ADAMTSL1: variants seen among roughly 807,000 people sequenced by gnomAD.
ADAMTSL1 encodes the protein ADAMTS-like protein 1.
ADAMTSL1 carries 126 observed loss-of-function variants against 201.8 expected under a neutral mutation model. The observed-to-expected ratio is 0.62, with a 90% CI of 0.54 to 0.72. The LOEUF (loss-of-function observed/expected upper bound fraction) is 0.72. ADAMTSL1 is among the 30% of genes least tolerant of loss of function. ADAMTSL1 has a pLI of 0.00. For missense variants in ADAMTSL1, 2,679 were observed against 2,277.8 expected (o/e 1.18, Z -3.59); for synonymous variants, 1,121 against 903.4 (o/e 1.24, Z -4.32).
chr9:18,669,123 C>T (rs191962341), intron 9 of ADAMTSL1, among the ~76,000 whole-genome samples: 10 of 152,308 alleles, frequency 6.6e-5, no homozygotes. Flanking sequence ...AACAGCACAG[C>T]CAGCACAGAA....
chr9:18,109,854 CTT>C (rs1374325849), intron 1 of ADAMTSL1, among the ~76,000 whole-genome samples: 4 of 152,314 alleles, frequency 2.6e-5, no homozygotes, highest in Admixed American at 2.0e-4. Context: ...CCTACTGCCA[CTT>C]TCCCCTGCGT....
At chr9:18,826,819 G>C (rs548133884) in intron 22 of ADAMTSL1, among the ~76,000 whole-genome samples, 1 of 152,298 alleles carries the variant, frequency 6.6e-6, no homozygotes, top group East Asian at 1.9e-4. Context: ...AACTCTTCCT[G>C]CATTAAGGAC....
intron 1 of ADAMTSL1, among the ~76,000 whole-genome samples, chr9:18,479,580 A>C (rs573053808): frequency 9.8e-5 from 15 of 152,292 alleles, no homozygotes; most frequent in African/African-American, 3.6e-4. Flanking sequence ...TGTAATCTCT[A>C]AAATATTTTA....
intron 1 of ADAMTSL1, among the ~76,000 whole-genome samples, chr9:18,094,069 A>G (rs1824138438): frequency 6.6e-6 from 1 of 152,150 alleles, no homozygotes; most frequent in Non-Finnish European, 1.5e-5. Context: ...GTTTTCGTTG[A>G]GTAATGTACC....
intron 2 of ADAMTSL1, among the ~76,000 whole-genome samples, chr9:18,290,237 C>G (rs1235998792): frequency 6.6e-6 from 1 of 151,856 alleles, no homozygotes; most frequent in African/African-American, 2.4e-5. Context: ...TAAGTCAGGA[C>G]TAGGTTGATC....
intron 21 of ADAMTSL1, among the ~76,000 whole-genome samples, chr9:18,819,876 G>A (rs1824103264): frequency 6.6e-6 from 1 of 152,254 alleles, no homozygotes; most frequent in Non-Finnish European, 1.5e-5. Context: ...GAAATCATCT[G>A]TGAGCTTAGT....
chr9:18,706,732 GC>G lies in ADAMTSL1; in HGVS notation c.1575-14del. The G allele has an allele frequency of 6.3e-7, 1 of 1,580,234 alleles. No homozygotes were observed. Among genetic ancestry groups the G allele is most frequent in the Non-Finnish European group, 8.6e-7 (1 of 1,162,662 alleles). On this transcript the variant is annotated splice_polypyrimidine_tract_variant and intron_variant, in intron 13 of 28. Coordinates refer to ENST00000380548, the MANE Select transcript of ADAMTSL1 (RefSeq NM_001040272.6). ...GGCTTCTCATCCTGTCCTCTTGTTT[GC>G]TTGCCGACTGCAGGTTCATCCCAGA...
intron 1 of ADAMTSL1, among the ~76,000 whole-genome samples, chr9:17,932,443 T>C (rs1159047595): frequency 6.6e-6 from 1 of 152,178 alleles, no homozygotes; most frequent in Non-Finnish European, 1.5e-5. Flanking sequence ...CAGTACATTT[T>C]ATATCTCTTA....
chr9:18,193,027 A>T (rs1310300371), intron 2 of ADAMTSL1, among the ~76,000 whole-genome samples: 1 of 152,164 alleles, frequency 6.6e-6, no homozygotes, highest in Non-Finnish European at 1.5e-5. Flanking sequence ...TGCTGAAGAC[A>T]TTAAGAGTGT....
intron 16 of ADAMTSL1, among the ~76,000 whole-genome samples, chr9:18,766,628 G>T (rs1349146810): frequency 2.0e-5 from 3 of 152,178 alleles, no homozygotes; most frequent in African/African-American, 7.2e-5. Context: ...TCCAAGGTCA[G>T]GGTGCTGGCA....
At chr9:18,146,219 T>C (rs1261510340) in intron 1 of ADAMTSL1, among the ~76,000 whole-genome samples, 2 of 152,182 alleles carry the variant, frequency 1.3e-5, no homozygotes, top group Admixed American at 6.6e-5. Context: ...CCATAGTTAC[T>C]GTATGATCCA....
At chr9:18,278,938 T>G (rs925593823) in intron 2 of ADAMTSL1, among the ~76,000 whole-genome samples, 9 of 152,120 alleles carry the variant, frequency 5.9e-5, no homozygotes, top group Admixed American at 2.0e-4. Context: ...TTCTGTTTCA[T>G]CAAGTCTGCT....
intron 2 of ADAMTSL1, among the ~76,000 whole-genome samples, chr9:18,421,784 T>C (rs1818961879): frequency 6.6e-6 from 1 of 152,152 alleles, no homozygotes; most frequent in South Asian, 2.1e-4. Flanking sequence ...TGAAATAAAA[T>C]AGGTGTCCAA....
At chr9:18,288,672 A>T (rs1833121735) in intron 2 of ADAMTSL1, among the ~76,000 whole-genome samples, 1 of 152,196 alleles carries the variant, frequency 6.6e-6, no homozygotes, top group Non-Finnish European at 1.5e-5. Flanking sequence ...GATAAAGAAA[A>T]AAAGAAAAGA....
chr9:18,622,106 G>C (rs1826072885), intron 4 of ADAMTSL1, 137 bp from the exon 5 acceptor site: 3 of 1,097,198 alleles, frequency 2.7e-6, no homozygotes, highest in Non-Finnish European at 3.8e-6. Flanking sequence ...AATTCCAGTT[G>C]AATTCAGTCC....
At position 18,443,604 on chromosome 9, in the gene ADAMTSL1, A is replaced by G. The variant is rs140296764; in HGVS notation, c.208-61225A>G. Among the ~76,000 whole-genome samples, 25 of 152,334 alleles carry G rather than the reference A, an allele frequency of 1.6e-4. No individual in the cohort carries two copies. In the East Asian group the frequency reaches 4.8e-3, roughly 29 times the overall value. On this transcript the variant is annotated intron_variant, in intron 2 of 29. Coordinates refer to the ADAMTSL1 transcript ENST00000680146. ...AAGAAAATGAATATGTGGAGATTAT[A>G]AGAAAGAAAATGACTTCATAAATCA... is the stretch of plus-strand genomic sequence containing the variant.
intron 2 of ADAMTSL1, among the ~76,000 whole-genome samples, chr9:18,268,600 CT>C (rs1171694631): frequency 1.3e-5 from 2 of 152,142 alleles, no homozygotes; most frequent in Non-Finnish European, 2.9e-5. Flanking sequence ...TATGTTCTTC[CT>C]TTCTTCCAGG....
chr9:18,338,995 T>C (rs1333992395), intron 2 of ADAMTSL1, among the ~76,000 whole-genome samples: 1 of 152,192 alleles, frequency 6.6e-6, no homozygotes, highest in East Asian at 1.9e-4. Context: ...TGTCTATACG[T>C]ACCACCTTTT....
chr9:18,628,423 A>G (rs575217533), intron 5 of ADAMTSL1, among the ~76,000 whole-genome samples: 7 of 152,278 alleles, frequency 4.6e-5, no homozygotes, highest in Admixed American at 3.3e-4. Context: ...TCTGGACTCT[A>G]TTCTGCTATG....
Sources: gnomAD v4.1 joint callset for allele counts (sites outside exome capture counted in the v4.1 genomes callset) on GRCh38, gnomAD v4.1.1 for gene constraint, MANE v1.5 for transcripts, NCBI Gene and HGNC (gene_info 2026-07-23, HGNC 2026-07-21) for gene names.